NPAS3: variants seen among roughly 807,000 people sequenced by gnomAD.
The protein encoded by NPAS3 is neuronal PAS domain-containing protein 3.
A neutral mutation model predicts 73.1 loss-of-function variants in NPAS3; 14 were observed. The observed-to-expected ratio is 0.19, with a 90% CI of 0.13 to 0.30. NPAS3 has a LOEUF of 0.30. Ranked by LOEUF, NPAS3 falls within the 10% of genes least tolerant of loss-of-function variation. The pLI is 1.00. For synonymous variants in NPAS3, 620 were observed against 541.5 expected (o/e 1.14, Z -2.01); for missense variants, 1,096 against 1,250.0 (o/e 0.88, Z 1.86).
chr14:33,719,154 C>T lies in NPAS3; in HGVS notation c.734-16060C>T, dbSNP rs117990074. Among the ~76,000 whole-genome samples, 1,034 of 152,200 alleles carry T rather than the reference C, an allele frequency of 6.8e-3. 8 individuals are homozygous for T. The highest frequency in any genetic ancestry group is 0.02 in the Middle Eastern group (6 of 294). ...ATCCCCAGTTGCTAAGCCTGGCCTA[C>T]GACACAAACTTCCCAATTCCGTGGC... On this transcript the variant is annotated intron_variant, in intron 6 of 11. Transcript: ENST00000356141.
intron 3 of NPAS3, among the ~76,000 whole-genome samples, chr14:33,281,393 G>A (rs887068808): frequency 7.2e-5 from 11 of 152,166 alleles, no homozygotes; most frequent in Non-Finnish European, 1.3e-4. Flanking sequence ...CACTTTGGGA[G>A]GACAAGGCAG....
chr14:33,534,299 A>G (rs925759819), intron 4 of NPAS3, among the ~76,000 whole-genome samples: 1 of 152,120 alleles, frequency 6.6e-6, no homozygotes, highest in African/African-American at 2.4e-5. Flanking sequence ...AGACAAAGCA[A>G]CAGCTAGAGA....
At chr14:33,213,535 TC>T (rs1343862294) in intron 2 of NPAS3, 1 of 152,214 alleles carries the variant, frequency 6.6e-6, no homozygotes, top group Non-Finnish European at 1.5e-5. Context: ...TATGTAGCTT[TC>T]AACCAGCTAA....
At chr14:33,567,954 T>C (rs1293510595) in intron 5 of NPAS3, among the ~76,000 whole-genome samples, 1 of 152,236 alleles carries the variant, frequency 6.6e-6, no homozygotes, top group Non-Finnish European at 1.5e-5. Flanking sequence ...GAGCTGTTCT[T>C]GTTAGACTGA....
chr14:33,512,507 A>G (rs1409560859), intron 4 of NPAS3, among the ~76,000 whole-genome samples: 1 of 152,092 alleles, frequency 6.6e-6, no homozygotes, highest in Non-Finnish European at 1.5e-5. Flanking sequence ...CTCAAATGTT[A>G]TAACAAATGG....
intron 3 of NPAS3, among the ~76,000 whole-genome samples, chr14:33,257,336 C>G (rs1442706135): frequency 6.6e-6 from 1 of 152,126 alleles, no homozygotes; most frequent in Non-Finnish European, 1.5e-5. Context: ...CATAATAACT[C>G]CAGGGTTCTC....
In NPAS3 at chr14:33,769,756, C is replaced by CTTTTTTTTTT. The variant is rs916953785; in HGVS notation, c.853-4564_853-4555dup. Among the ~76,000 whole-genome samples the CTTTTTTTTTT allele has an allele frequency of 7.0e-4, 57 of 81,880 alleles. 7 individuals are homozygous for CTTTTTTTTTT. The highest frequency in any genetic ancestry group is 8.7e-4 in the Non-Finnish European group (39 of 44,982). 53.7% of individuals were successfully genotyped at this position (81,880 alleles called of 152,430 possible). A position where few individuals can be genotyped will look rare whatever the true frequency, so the allele number is the denominator to read the frequency against. The stretch of plus-strand genomic sequence containing the variant: ...CCTGAAAGACTTGGATTTTTTTTTT[C>CTTTTTTTTTT]TTTTTTTTTTTTTTTTTTTTTTTTT... On this transcript the variant is annotated intron_variant, in intron 7 of 11. Coordinates refer to ENST00000356141, the Ensembl canonical transcript of NPAS3.
At chr14:33,696,793 C>G (rs371677915) in intron 6 of NPAS3, among the ~76,000 whole-genome samples, 1 of 152,128 alleles carries the variant, frequency 6.6e-6, no homozygotes, top group East Asian at 1.9e-4. Flanking sequence ...GCTTTTGTTT[C>G]GTATATAACG....
intron 2 of NPAS3, among the ~76,000 whole-genome samples, chr14:33,161,124 G>C (rs1302111475): frequency 1.3e-5 from 2 of 152,150 alleles, no homozygotes; most frequent in African/African-American, 4.8e-5. Flanking sequence ...AAAGCATGGG[G>C]ATATTAAGTT....
chr14:33,412,520 A>G (rs1321782193), intron 4 of NPAS3, among the ~76,000 whole-genome samples: 2 of 152,200 alleles, frequency 1.3e-5, no homozygotes, highest in Non-Finnish European at 1.5e-5. Context: ...CCCAATTCCA[A>G]GGAATGATCC....
intron 5 of NPAS3, among the ~76,000 whole-genome samples, chr14:33,651,880 C>A (rs933892933): frequency 2.0e-5 from 3 of 152,098 alleles, no homozygotes; most frequent in Non-Finnish European, 4.4e-5. Flanking sequence ...TTAAGTAGCA[C>A]CCAGCGTTTC....
intron 8 of NPAS3, among the ~76,000 whole-genome samples, chr14:33,775,330 C>T (rs1461202436): frequency 6.6e-6 from 1 of 152,084 alleles, no homozygotes; most frequent in Non-Finnish European, 1.5e-5. Flanking sequence ...CTATCCTTCC[C>T]CGGGTGCCAC....
chr14:33,151,859 T>C (rs2044457303), intron 2 of NPAS3, among the ~76,000 whole-genome samples: 1 of 152,186 alleles, frequency 6.6e-6, no homozygotes, highest in Non-Finnish European at 1.5e-5. Flanking sequence ...TCTCTTTCTC[T>C]CTAAGAGAGG....
intron 6 of NPAS3, among the ~76,000 whole-genome samples, chr14:33,725,028 C>T (rs905202193): frequency 5.3e-5 from 8 of 152,010 alleles, no homozygotes; most frequent in Admixed American, 1.3e-4. Context: ...TGTAATAATA[C>T]GGACAAATAC....
At chr14:33,145,011 G>A (rs4981178) in intron 2 of NPAS3, among the ~76,000 whole-genome samples, 148,747 of 152,318 alleles carry the variant, frequency 0.98, 72,658 homozygotes, top group Non-Finnish European at 0.99. Flanking sequence ...TTCGGCTTAT[G>A]AACATTTTCC....
At chr14:33,596,929 G>A (rs2057259239) in intron 5 of NPAS3, among the ~76,000 whole-genome samples, 2 of 152,206 alleles carry the variant, frequency 1.3e-5, no homozygotes, top group African/African-American at 4.8e-5. Flanking sequence ...GTGGACAGGG[G>A]CCAGATCTAG....
At chr14:33,508,682 G>A (rs1595054240) in intron 4 of NPAS3, among the ~76,000 whole-genome samples, 1 of 152,144 alleles carries the variant, frequency 6.6e-6, no homozygotes, top group Non-Finnish European at 1.5e-5. Context: ...GAGAGAGCCA[G>A]GTAACACTCT....
intron 1 of NPAS3, among the ~76,000 whole-genome samples, chr14:33,016,405 GGAAT>G (rs67545917): frequency 0.84 from 126,323 of 150,372 alleles, 53,305 homozygotes; most frequent in East Asian, 0.99. Context: ...CAATATTCAT[GGAAT>G]GAATGAATGA....
intron 4 of NPAS3, among the ~76,000 whole-genome samples, chr14:33,513,729 T>A (rs1372818579): frequency 6.6e-6 from 1 of 152,058 alleles, no homozygotes; most frequent in Non-Finnish European, 1.5e-5. Flanking sequence ...TCAAGCTGAA[T>A]GGGCAAGTGT....
Sources: allele counts gnomAD v4.1 joint callset (sites outside exome capture counted in the v4.1 genomes callset), GRCh38; gene constraint gnomAD v4.1.1; transcripts MANE v1.5; gene names NCBI Gene and HGNC (gene_info 2026-07-23, HGNC 2026-07-21).